The following MYH9 variants were observed in gnomAD, a reference collection of about 807,000 sequenced individuals.
MYH9 encodes myosin heavy chain 9.
MYH9 carries 29 observed loss-of-function variants against 241.9 expected under a neutral mutation model. The observed-to-expected ratio is 0.12, with a 90% CI of 0.09 to 0.16. MYH9 has a LOEUF of 0.16. MYH9 is among the 10% of genes least tolerant of loss of function. MYH9 has a pLI of 1.00. For missense variants in MYH9, 1,803 were observed against 2,595.5 expected (o/e 0.69, Z 6.63); for synonymous variants, 1,047 against 1,062.6 (o/e 0.99, Z 0.29).
Position 36,282,647 on chromosome 22 carries a change from T to A in MYH9, c.*21A>T. ...TGTGGTGTCTGTCTGTCCATCCATC[T>A]CAGGCTGCAGGAGAAGAGGCTTATT... On this transcript the variant is annotated 3_prime_UTR_variant, in exon 41 of 41. Transcript: ENST00000216181. The A allele has an allele frequency of 6.2e-7, 1 of 1,608,316 alleles. No individual in the cohort carries two copies. Among genetic ancestry groups the A allele is most frequent in the Non-Finnish European group, 8.5e-7 (1 of 1,175,240 alleles).
chr22:36,349,289 A>G, intron 1 of MYH9, 34 bp from the exon 2 acceptor site: 1 of 1,510,200 alleles, frequency 6.6e-7, no homozygotes, highest in South Asian at 1.1e-5. Flanking sequence ...CACATTACAT[A>G]CAACTACGTC....
rs1244289150 is a variant in MYH9 at position 36,289,203 on chromosome 22, G to A, written c.4439C>T (p.Ser1480Leu). The A allele has an allele frequency of 1.9e-6, 3 of 1,613,246 alleles. No homozygotes were observed. The highest frequency in any genetic ancestry group is 2.7e-5 in the African/African-American group (2 of 74,952). The change falls in exon 32 of 41, where the codon TCG becomes TTG. Residue 1480 changes from serine to leucine, a missense_variant. Physicochemically the swap from Ser to Leu is moderately radical, Grantham distance 145. Around this residue, in one of 11 missense-constraint regions of MYH9, gnomAD observed 876 missense variants for 1,077.8 expected, o/e 0.81. Coordinates refer to ENST00000216181, the MANE Select transcript of MYH9 (RefSeq NM_002473.6). Reference sequence around the variant, plus strand: ...GGCTTCCTCCAGGGCCCGGGCCAGCGACAGAGCCTTGGTCTCCTTCTCTCG... The same window carrying A: ...GGCTTCCTCCAGGGCCCGGGCCAGCAACAGAGCCTTGGTCTCCTTCTCTCG... ...EAREKETKAL[S>L]LARALEEAME...
intron 1 of MYH9, among the ~76,000 whole-genome samples, chr22:36,361,753 G>A (rs1409934607): frequency 1.1e-4 from 17 of 152,170 alleles, no homozygotes; most frequent in Admixed American, 1.1e-3. Flanking sequence ...GGGAGGAGCA[G>A]AGGTGACATC....
chr22:36,337,014 T>C (rs1317960855), intron 3 of MYH9, among the ~76,000 whole-genome samples: 3 of 152,198 alleles, frequency 2.0e-5, no homozygotes, highest in African/African-American at 2.4e-5. Context: ...ACAGCACTAA[T>C]CCATCTCAGA....
rs565943650 is a variant in MYH9 at position 36,340,512 on chromosome 22, T to G, written c.490+858A>C. ...CCCGTCTCTACTAAAAATACAAAAA[T>G]TAGCCGTGCATGGTGGCACAAGCCT... is the stretch of plus-strand genomic sequence containing the variant. On this transcript the variant is annotated intron_variant, in intron 3 of 40. Coordinates refer to ENST00000216181, the MANE Select transcript of MYH9 (RefSeq NM_002473.6). Among the ~76,000 whole-genome samples, 3 of 151,762 alleles carry G rather than the reference T, an allele frequency of 2.0e-5. No individual in the cohort carries two copies. In the South Asian group the frequency reaches 6.2e-4, roughly 32 times the overall value.
rs532313825 is a variant in MYH9 at position 36,286,682 on chromosome 22, G to A, written c.5061+36C>T. 1.4e-5 allele frequency: 22 copies of A among 1,608,678 alleles called. No homozygotes were observed. In the South Asian group the frequency reaches 1.9e-4, roughly 14 times the overall value. On this transcript the variant is annotated intron_variant, in intron 35 of 40. Transcript: ENST00000216181. Reference sequence around the variant, plus strand: ...CCACGCTGCCACCTGCTGGCCGCAGGGCAGCGGTGCCGCTCTCCATTGCAG... The same window carrying A: ...CCACGCTGCCACCTGCTGGCCGCAGAGCAGCGGTGCCGCTCTCCATTGCAG...
intron 1 of MYH9, among the ~76,000 whole-genome samples, chr22:36,351,804 C>A (rs986521388): frequency 3.9e-5 from 6 of 152,010 alleles, no homozygotes; most frequent in Non-Finnish European, 7.4e-5. Context: ...GAACCCCATG[C>A]CCCCAAACCC....
chr22:36,384,101 T>C (rs1295982216), intron 1 of MYH9, among the ~76,000 whole-genome samples: 2 of 150,254 alleles, frequency 1.3e-5, no homozygotes, highest in Non-Finnish European at 3.0e-5. Context: ...CAAAATCCCA[T>C]CTCTACTAAA....
intron 3 of MYH9, among the ~76,000 whole-genome samples, chr22:36,333,939 T>C (rs1478362514): frequency 1.3e-5 from 2 of 152,086 alleles, no homozygotes; most frequent in Non-Finnish European, 2.9e-5. Flanking sequence ...TGTTGGTTTA[T>C]TTCAGGGGAT....
Position 36,320,820 on chromosome 22 carries a change from A to C in MYH9, c.846T>G (p.Ser282=). 1.2e-6 allele frequency: 2 copies of C among 1,613,850 alleles called. No individual in the cohort carries two copies. The highest frequency in any genetic ancestry group is 1.7e-6 in the Non-Finnish European group (2 of 1,179,716). The stretch of plus-strand genomic sequence containing the variant: ...CACTCTTCAGGTGCTCTCCAGCCCC[A>C]GACAGGAGATAATAGAAGATGTGGA... ...RTFHIFYYLL[S]GAGEHLKTDL... Residue 282 remains serine, a synonymous_variant, in exon 8 of 41, where the codon TCT becomes TCG. Coordinates refer to ENST00000216181, the MANE Select transcript of MYH9 (RefSeq NM_002473.6). The surrounding 1 kb of genome is among the most constrained non-coding windows in gnomAD (Gnocchi z 4.8).
chr22:36,292,243 G>A lies in MYH9; in HGVS notation c.4096-9C>T. 1 of 1,613,638 alleles carries A rather than the reference G, an allele frequency of 6.2e-7. No individual in the cohort carries two copies. The highest frequency in any genetic ancestry group is 1.1e-5 in the South Asian group (1 of 91,082). On this transcript the variant is annotated splice_polypyrimidine_tract_variant and intron_variant, in intron 30 of 40. Transcript: ENST00000216181. ...TTTTTCATGTCGGCCACCTGGGCAG[G>A]AGCAAGGAGTAAGCAGATGCCCGAG...
intron 2 of MYH9, 67 bp downstream of exon 2, chr22:36,348,837 A>AACCCCCC: frequency 3.7e-6 from 2 of 539,144 alleles, no homozygotes; most frequent in Non-Finnish European, 2.9e-6. Flanking sequence ...TGATGGGAAG[A>AACCCCCC]CCCGCCCCCC....
At chr22:36,356,524 T>C (rs1002052935) in intron 1 of MYH9, among the ~76,000 whole-genome samples, 1 of 130,098 alleles carries the variant, frequency 7.7e-6, no homozygotes, top group African/African-American at 3.0e-5. Context: ...GAGGTTGCAG[T>C]GAGCTGAGAT....
At chr22:36,326,480 G>A (rs749349830) in intron 5 of MYH9, 88 bp downstream of exon 5, 8 of 1,206,044 alleles carry the variant, frequency 6.6e-6, no homozygotes, top group Middle Eastern at 1.9e-4. Flanking sequence ...CTCTTGTAAA[G>A]CTGAAGCCGG....
At chr22:36,303,721 GT>G (rs2016922741) in intron 19 of MYH9, among the ~76,000 whole-genome samples, 1 of 149,306 alleles carries the variant, frequency 6.7e-6, no homozygotes, top group Non-Finnish European at 1.5e-5. Context: ...GGAGGTGGAG[GT>G]TGCAGTGAGC....
intron 1 of MYH9, among the ~76,000 whole-genome samples, chr22:36,363,830 A>C (rs985125934): frequency 6.6e-6 from 1 of 152,206 alleles, no homozygotes; most frequent in African/African-American, 2.4e-5. Context: ...AAGCGCACCA[A>C]GCATGTCCCC....
intron 23 of MYH9, among the ~76,000 whole-genome samples, chr22:36,299,402 C>T (rs959147623): frequency 2.0e-5 from 3 of 152,212 alleles, no homozygotes; most frequent in African/African-American, 4.8e-5. Context: ...CCACCTTCTC[C>T]GTGCCCCTCT....
intron 1 of MYH9, 117 bp downstream of exon 1, chr22:36,387,690 G>C (rs1351117094): frequency 6.6e-6 from 1 of 151,276 alleles, no homozygotes; most frequent in East Asian, 1.9e-4. Flanking sequence ...CCCCGCCCGC[G>C]CGGGTGGCGG....
intron 1 of MYH9, among the ~76,000 whole-genome samples, chr22:36,376,987 C>T (rs549470889): frequency 6.6e-6 from 1 of 151,808 alleles, no homozygotes; most frequent in Admixed American, 6.6e-5. Flanking sequence ...CGCTTGAACC[C>T]GGGAGGTGGA....
Sources: gnomAD v4.1 joint callset for allele counts (sites outside exome capture counted in the v4.1 genomes callset) on GRCh38, gnomAD v4.1.1 for gene constraint, gnomAD v4.1.1 regional missense constraint, Gnocchi (gnomAD v3.1) non-coding constraint, MANE v1.5 for transcripts, NCBI Gene and HGNC (gene_info 2026-07-23, HGNC 2026-07-21) for gene names.